Variants in SLC2A11 observed in about 807,000 individuals in gnomAD.
SLC2A11 encodes the protein solute carrier family 2 member 11.
SLC2A11 carries 43 observed loss-of-function variants against 52.1 expected under a neutral mutation model. That is an observed-to-expected ratio of 0.82 (90% CI 0.65 to 1.06). The LOEUF is 1.06. Among genes scored for constraint, SLC2A11 ranks in the 50% least tolerant of loss-of-function variants. The pLI is 0.00. For synonymous variants in SLC2A11, 261 were observed against 277.6 expected, an observed-to-expected ratio of 0.94 and a Z score of 0.59; for missense variants, 582 against 654.2, an observed-to-expected ratio of 0.89 and a Z score of 1.20.
chr22:23,866,686 G>A (rs921320420), intron 2 of SLC2A11: 2 of 152,590 alleles, frequency 1.3e-5, no homozygotes, highest in African/African-American at 4.8e-5. Context: ...GGAGGCTGAA[G>A]CAGGAGGATT....
At chr22:23,868,234 G>T (rs2032332412) in intron 2 of SLC2A11, 1 of 540,172 alleles carries the variant, frequency 1.9e-6, no homozygotes, top group African/African-American at 1.9e-5. Flanking sequence ...CGCAGAGAGG[G>T]GCAAATGGAG....
chr22:23,857,868 C>T, upstream of SLC2A11: 1 of 1,536,242 alleles, frequency 6.5e-7, no homozygotes, highest in Non-Finnish European at 8.7e-7. Flanking sequence ...TGCGCGTGCG[C>T]TAGCGCCTCT....
rs1382570848 is a variant in SLC2A11 at position 23,866,155 on chromosome 22, G to A, written c.130-2326G>A. ...CTGCACTCTAGCCTGGACAACAGAG[G>A]GAGACACTATCTTTAAAAAAAAAAA... On this transcript the variant is annotated intron_variant, in intron 2 of 11. Transcript: ENST00000316185. The A allele has an allele frequency of 6.7e-5, 10 of 149,784 alleles. No homozygotes were observed. In the Admixed American group the frequency reaches 6.7e-4, roughly 10 times the overall value. 9.3% of individuals were successfully genotyped at this position (149,784 alleles called of 1,614,324 possible).
upstream of SLC2A11, chr22:23,857,215 G>C: frequency 1.3e-6 from 1 of 751,944 alleles, no homozygotes; most frequent in Non-Finnish European, 2.2e-6. Flanking sequence ...GCAGGGTTGC[G>C]GCTGAGGTCA....
intron 3 of SLC2A11, chr22:23,868,866 T>C (rs1365113522): frequency 4.0e-6 from 2 of 505,560 alleles, no homozygotes; most frequent in East Asian, 5.9e-5. Context: ...TCCTGGTTTC[T>C]AATTTCATGT....
At position 23,875,255 on chromosome 22, in the gene SLC2A11, G is replaced by A; in HGVS notation, c.415+14G>A. 4 of 1,410,614 alleles carry A rather than the reference G, an allele frequency of 2.8e-6. No individual in the cohort carries two copies. Among genetic ancestry groups the A allele is most frequent in the South Asian group, 1.8e-5 (1 of 56,952 alleles). The allele number at this position is 1,410,614 out of a possible 1,614,324, so 87.4% of individuals were successfully genotyped here. On this transcript the variant is annotated intron_variant, in intron 4 of 11. Coordinates refer to ENST00000316185, the MANE Select transcript of SLC2A11 (RefSeq NM_001024939.4). ...GAGTCAATGCAGGTATGGGGTGGGG[G>A]CTTCTCATCCTGCCTCTCTATGCCT...
At chr22:23,857,061 A>C, upstream of SLC2A11, 99 of 486,454 alleles carry the variant, frequency 2.0e-4, no homozygotes, top group Non-Finnish European at 3.1e-4. Context: ...CCTGAACCAA[A>C]GTGTGTGTGT....
At chr22:23,882,075 CACACACAGAG>C in intron 6 of SLC2A11, 1 of 306,936 alleles carries the variant, frequency 3.3e-6, no homozygotes, top group Non-Finnish European at 6.1e-6. Context: ...GAAACACACA[CACACACAGAG>C]ACACACACAG....
chr22:23,883,544 CA>C lies in SLC2A11; in HGVS notation c.994-227del, dbSNP rs2032899173. Reference sequence around the variant, plus strand: ...AGTGAGTTAGAGAGCATCTATTGAGCATCTACGGTTTGCGGGTCACTTCCAG... The same window carrying C: ...AGTGAGTTAGAGAGCATCTATTGAGCTCTACGGTTTGCGGGTCACTTCCAG... On this transcript the variant is annotated intron_variant, in intron 8 of 11. Coordinates refer to ENST00000316185, the MANE Select transcript of SLC2A11 (RefSeq NM_001024939.4). 6.0e-6 allele frequency: 3 copies of C among 502,498 alleles called. No individual in the cohort carries two copies. In the East Asian group the frequency reaches 1.0e-4, roughly 17 times the overall value. The allele number at this position is 502,498 out of a possible 1,614,324, so 31.1% of individuals were successfully genotyped here.
chr22:23,884,112 A>G lies in SLC2A11; in HGVS notation c.1171+88A>G. ...GTGCACAGTGGGTGGGTGTGAATGC[A>G]ATGTCCCCTGCAGGCCCTCAGAGAC... On this transcript the variant is annotated intron_variant, in intron 10 of 11. Coordinates refer to ENST00000316185, the MANE Select transcript of SLC2A11 (RefSeq NM_001024939.4). This position sits in a 1 kb window ranked among gnomAD's most constrained non-coding sequence, Gnocchi z 4.3. 3 of 1,548,650 alleles carry G rather than the reference A, an allele frequency of 1.9e-6. No homozygotes were observed. The highest frequency in any genetic ancestry group is 1.2e-5 in the South Asian group (1 of 85,708).
intron 4 of SLC2A11, 129 bp downstream of exon 4, chr22:23,875,370 C>T (rs1347260984): frequency 1.8e-6 from 2 of 1,092,282 alleles, no homozygotes; most frequent in Admixed American, 3.9e-5. Context: ...TTTATGCCTA[C>T]CTTTGTCACA....
intron 6 of SLC2A11, chr22:23,879,445 T>C (rs947127828): frequency 1.3e-5 from 2 of 151,584 alleles, no homozygotes; most frequent in Non-Finnish European, 2.9e-5. Context: ...ATTGTATTTT[T>C]TGTAAAGATG....
At chr22:23,864,401 AACCTCC>A (rs1391862460) in intron 2 of SLC2A11, among the ~76,000 whole-genome samples, 1 of 152,128 alleles carries the variant, frequency 6.6e-6, no homozygotes, top group Non-Finnish European at 1.5e-5. Context: ...GGCTCACTGC[AACCTCC>A]ACCTCCTGGG....
upstream of SLC2A11, chr22:23,857,040 G>A (rs902063868): frequency 3.5e-6 from 5 of 1,442,760 alleles, no homozygotes; most frequent in Non-Finnish European, 4.7e-6. Flanking sequence ...TCTGGGGAAA[G>A]GTCGGGGATA....
chr22:23,861,953 A>G (rs2146105476), intron 1 of SLC2A11, 151 bp from the exon 2 acceptor site: 3 of 700,804 alleles, frequency 4.3e-6, no homozygotes, highest in East Asian at 5.0e-5. Flanking sequence ...TGACCCAGGT[A>G]ACTCCTCTCT....
At chr22:23,877,975 A>G (rs527266601) in intron 6 of SLC2A11, 106 bp downstream of exon 6, 301 of 1,334,162 alleles carry the variant, frequency 2.3e-4, no homozygotes, top group Non-Finnish European at 3.0e-4. Flanking sequence ...AGGAAAAGCT[A>G]TCCCTCTCTT....
intron 3 of SLC2A11, chr22:23,869,855 C>G (rs935280139): frequency 2.5e-5 from 15 of 611,010 alleles, no homozygotes; most frequent in Non-Finnish European, 4.4e-5. Flanking sequence ...TGTGTCCTCA[C>G]ATGGCAGAAA....
At chr22:23,881,124 C>T (rs979275730) in intron 6 of SLC2A11, 2 of 151,480 alleles carry the variant, frequency 1.3e-5, no homozygotes, top group African/African-American at 4.9e-5. Flanking sequence ...CATAACATCT[C>T]GGTGGTAAAG....
chr22:23,861,344 G>A (rs911556852), intron 1 of SLC2A11, among the ~76,000 whole-genome samples: 4 of 145,420 alleles, frequency 2.8e-5, no homozygotes, highest in African/African-American at 1.0e-4. Flanking sequence ...AACTACAAAG[G>A]ATGAGGCATC....
Sources: allele counts gnomAD v4.1 joint callset (sites outside exome capture counted in the v4.1 genomes callset), GRCh38; gene constraint gnomAD v4.1.1; non-coding constraint Gnocchi (gnomAD v3.1); transcripts MANE v1.5; gene names NCBI Gene and HGNC (gene_info 2026-07-23, HGNC 2026-07-21).